Variants in ABCA13 observed in about 807,000 individuals in gnomAD.
The protein encoded by ABCA13 is ATP-binding cassette sub-family A member 13.
ABCA13 carries 476 observed loss-of-function variants against 478.7 expected under a neutral mutation model. That is an observed-to-expected ratio of 0.99 (90% CI 0.92 to 1.07). The LOEUF (loss-of-function observed/expected upper bound fraction) is 1.07. Among genes scored for constraint, ABCA13 ranks in the 50% least tolerant of loss-of-function variants. The pLI is 0.00. For synonymous variants in ABCA13, 2,252 were observed against 2,158.9 expected, an observed-to-expected ratio of 1.04 and a Z score of -1.20; for missense variants, 6,060 against 5,910.6, an observed-to-expected ratio of 1.03 and a Z score of -0.83.
intron 7 of ABCA13, among the ~76,000 whole-genome samples, chr7:48,233,580 G>C (rs1201737973): frequency 6.6e-6 from 1 of 152,098 alleles, no homozygotes; most frequent in Non-Finnish European, 1.5e-5. Context: ...TTATGCTATG[G>C]ATATACTATA....
At chr7:48,334,670 G>A (rs1046403973) in intron 27 of ABCA13, among the ~76,000 whole-genome samples, 1 of 152,160 alleles carries the variant, frequency 6.6e-6, no homozygotes. Context: ...GAAGCTGAGA[G>A]TTCAAGGTTT....
At chr7:48,600,437 A>G (rs890112524) in intron 58 of ABCA13, among the ~76,000 whole-genome samples, 20 of 152,086 alleles carry the variant, frequency 1.3e-4, no homozygotes, top group Non-Finnish European at 2.8e-4. Context: ...GATATGGCTG[A>G]AGTAACATTG....
intron 1 of ABCA13, among the ~76,000 whole-genome samples, chr7:48,182,127 A>T (rs919030678): frequency 6.6e-6 from 1 of 152,180 alleles, no homozygotes; most frequent in Non-Finnish European, 1.5e-5. Flanking sequence ...CAACGTCCTA[A>T]GTCACTAGTG....
intron 55 of ABCA13, among the ~76,000 whole-genome samples, chr7:48,541,405 T>C (rs759066581): frequency 1.4e-4 from 22 of 152,146 alleles, no homozygotes; most frequent in Admixed American, 8.5e-4. Context: ...GTTAATCTCA[T>C]TAGCCATGAT....
intron 48 of ABCA13, among the ~76,000 whole-genome samples, chr7:48,492,976 A>G (rs988076851): frequency 2.0e-5 from 3 of 152,142 alleles, no homozygotes; most frequent in East Asian, 3.9e-4. Flanking sequence ...CAGTGAGCTA[A>G]TATCACTGCA....
chr7:48,428,271 C>A (rs747394262), intron 42 of ABCA13, among the ~76,000 whole-genome samples: 23 of 152,180 alleles, frequency 1.5e-4, no homozygotes, highest in Non-Finnish European at 2.9e-4. Context: ...TTTAACAAAG[C>A]CCCGGATGTG....
rs1792245360 is a variant in ABCA13 at position 48,613,580 on chromosome 7, T to C, written c.14745-1705T>C. Among the ~76,000 whole-genome samples, 5 of 142,900 alleles carry C rather than the reference T, an allele frequency of 3.5e-5. 1 individual carries two copies. In the Admixed American group the frequency reaches 3.8e-4, roughly 11 times the overall value. 93.7% of individuals were successfully genotyped at this position (142,900 alleles called of 152,430 possible). ...CCATTGCTTTTCTGCTTAGAAAATA[T>C]CTTCCCATATTCAAATCATTATGTA... On this transcript the variant is annotated intron_variant, in intron 58 of 61. Transcript: ENST00000435803.
In ABCA13 at chr7:48,274,060, A is replaced by G. The variant is rs749058210; in HGVS notation, c.4394A>G (p.Asp1465Gly). 1 of 1,605,760 alleles carries G rather than the reference A, an allele frequency of 6.2e-7. No homozygotes were observed. Among genetic ancestry groups the G allele is most frequent in the Non-Finnish European group, 8.5e-7 (1 of 1,174,682 alleles). The change falls in exon 17 of 62, where the codon GAT becomes GGT. Residue 1465 changes from aspartate to glycine, a missense_variant. Physicochemically the swap from Asp to Gly is moderately conservative, Grantham distance 94. Around this residue, in one of 3 missense-constraint regions of ABCA13, gnomAD observed 4,423 missense variants for 4,309.1 expected, o/e 1.03. Transcript: ENST00000435803. ...HINCVNIYLK[D>G]VTDFLNIVLT... ...AATTGTGTCAATATTTACTTGAAAG[A>G]TGTAACTGACTTTCTAAATATTGTA...
intron 35 of ABCA13, among the ~76,000 whole-genome samples, chr7:48,378,307 A>G (rs960444266): frequency 6.6e-6 from 1 of 152,098 alleles, no homozygotes; most frequent in Non-Finnish European, 1.5e-5. Context: ...GGGTCAGGGG[A>G]TGTTTGGCTA....
intron 6 of ABCA13, 67 bp from the exon 7 acceptor site, chr7:48,229,758 T>C: frequency 1.3e-6 from 2 of 1,590,924 alleles, no homozygotes; most frequent in South Asian, 1.1e-5. Context: ...TAAGTAAACC[T>C]AGAATTGATG....
chr7:48,409,754 T>A (rs1431599616), intron 39 of ABCA13, among the ~76,000 whole-genome samples: 1 of 151,990 alleles, frequency 6.6e-6, no homozygotes, highest in African/African-American at 2.4e-5. Flanking sequence ...TATAGCCTTC[T>A]CCCTACATAC....
intron 51 of ABCA13, among the ~76,000 whole-genome samples, chr7:48,515,845 A>G: frequency 6.6e-6 from 1 of 152,262 alleles, no homozygotes; most frequent in East Asian, 1.9e-4. Flanking sequence ...GATTCTCAAT[A>G]TAATGAATAA....
At chr7:48,333,262 T>C (rs1168315510) in intron 27 of ABCA13, among the ~76,000 whole-genome samples, 2 of 152,210 alleles carry the variant, frequency 1.3e-5, no homozygotes, top group Non-Finnish European at 1.5e-5. Context: ...ATTTGCGTTA[T>C]TGCATTGTCC....
At chr7:48,210,479 A>G (rs1019320521) in intron 3 of ABCA13, among the ~76,000 whole-genome samples, 5 of 152,116 alleles carry the variant, frequency 3.3e-5, no homozygotes, top group African/African-American at 1.2e-4. Context: ...ATTTATTGCT[A>G]TAAACTTGCC....
intron 59 of ABCA13, among the ~76,000 whole-genome samples, chr7:48,618,303 A>C (rs1200988836): frequency 2.0e-5 from 3 of 152,162 alleles, no homozygotes; most frequent in African/African-American, 7.2e-5. Context: ...ACCTTGGTAC[A>C]TGCACTTCAC....
chr7:48,178,673 C>CA (rs1427425298), intron 1 of ABCA13, among the ~76,000 whole-genome samples: 2 of 133,718 alleles, frequency 1.5e-5, no homozygotes, highest in Non-Finnish European at 3.2e-5. Context: ...GACTCTATCT[C>CA]AAAAAAATAA....
Position 48,367,900 on chromosome 7 carries a change from A to C in ABCA13, c.10795A>C (p.Ile3599Leu). The C allele has an allele frequency of 1.9e-6, 3 of 1,568,246 alleles. No individual in the cohort carries two copies. Among genetic ancestry groups the C allele is most frequent in the Non-Finnish European group, 2.6e-6 (3 of 1,155,182 alleles). ...GTTGGTGTATGAGCAGGAGATACAGATAGAAGAGGTAAATATCCTTAAACC... is the reference window on the plus strand; with the variant it reads ...GTTGGTGTATGAGCAGGAGATACAGCTAGAAGAGGTAAATATCCTTAAACC... ...RKLVYEQEIQIEEYMRMMGVH... is the reference protein window; with the variant it reads ...RKLVYEQEIQLEEYMRMMGVH... The change falls in exon 32 of 62, where the codon ATA becomes CTA. Residue 3599 changes from isoleucine to leucine, a missense_variant. Ile to Leu is a conservative substitution (Grantham distance 5, BLOSUM62 2). Around this residue, in one of 3 missense-constraint regions of ABCA13, gnomAD observed 4,423 missense variants for 4,309.1 expected, o/e 1.03. Coordinates refer to ENST00000435803, the MANE Select transcript of ABCA13 (RefSeq NM_152701.5).
At chr7:48,345,486 C>G (rs546207276) in intron 29 of ABCA13, among the ~76,000 whole-genome samples, 1 of 149,982 alleles carries the variant, frequency 6.7e-6, no homozygotes, top group Admixed American at 6.7e-5. Context: ...TAGGCCTAGG[C>G]TAATGTGTGG....
intron 27 of ABCA13, among the ~76,000 whole-genome samples, chr7:48,334,744 C>T (rs554561960): frequency 6.6e-6 from 1 of 152,228 alleles, no homozygotes; most frequent in East Asian, 1.9e-4. Flanking sequence ...TCCTAGTGAC[C>T]CTAGGGAGAT....
Sources: gnomAD v4.1 joint callset for allele counts (sites outside exome capture counted in the v4.1 genomes callset) on GRCh38, gnomAD v4.1.1 for gene constraint, gnomAD v4.1.1 regional missense constraint, MANE v1.5 for transcripts, NCBI Gene and HGNC (gene_info 2026-07-23, HGNC 2026-07-21) for gene names.